The following SBF2 variants were observed in gnomAD, a reference collection of about 807,000 sequenced individuals.
SBF2 encodes SET binding factor 2.
SBF2 carries 112 observed loss-of-function variants against 225.2 expected under a neutral mutation model. The ratio of observed to expected loss-of-function variants is 0.50; its 90% confidence interval spans 0.43 to 0.58. The LOEUF (loss-of-function observed/expected upper bound fraction) is 0.58. Ranked by LOEUF, SBF2 falls within the 20% of genes least tolerant of loss-of-function variation. SBF2 has a pLI of 0.00. For synonymous variants in SBF2, 763 were observed against 773.3 expected (o/e 0.99, Z 0.22); for missense variants, 1,996 against 2,206.2 (o/e 0.90, Z 1.91).
At chr11:9,949,045 G>T (rs776461872) in intron 16 of SBF2, among the ~76,000 whole-genome samples, 12 of 151,978 alleles carry the variant, frequency 7.9e-5, no homozygotes, top group Non-Finnish European at 1.5e-4. Flanking sequence ...ATGGTGCCTG[G>T]ACAAGGAAAG....
At chr11:10,030,958 A>G (rs1400943077) in intron 4 of SBF2, 90 bp downstream of exon 4, 43 of 1,130,940 alleles carry the variant, frequency 3.8e-5, no homozygotes, top group Non-Finnish European at 5.2e-5. Context: ...CAATCTAACA[A>G]TATTTTCAAT....
At chr11:9,974,173 C>G (rs1301433537) in intron 13 of SBF2, among the ~76,000 whole-genome samples, 1 of 152,134 alleles carries the variant, frequency 6.6e-6, no homozygotes, top group Non-Finnish European at 1.5e-5. Context: ...ATGACTGAGA[C>G]ATTCAACTGA....
chr11:10,095,002 CATAAAATAT>C (rs1300798176), intron 2 of SBF2, among the ~76,000 whole-genome samples: 1 of 151,776 alleles, frequency 6.6e-6, no homozygotes, highest in African/African-American at 2.4e-5. Flanking sequence ...CCATCGAAGC[CATAAAATAT>C]ATAAAATATA....
rs780087203 is a variant in SBF2, at chr11:9,839,658, T to G, written c.3295A>C (p.Lys1099Gln). ...TCCATTGTAGACTTCTCGGAGGCCT[T>G]CAGGGTGGTACTTGTGGGGAGCTCA... ...ESELPTSTTL[K>Q]ASEKSTMEQL... The change falls in exon 26 of 40, where the codon AAG becomes CAG. Residue 1099 changes from lysine (K) to glutamine (Q), a missense_variant. Lys to Gln is a moderately conservative substitution (Grantham distance 53). Coordinates refer to ENST00000256190, the MANE Select transcript of SBF2 (RefSeq NM_030962.4). The G allele has an allele frequency of 1.9e-6, 3 of 1,614,204 alleles. No individual in the cohort carries two copies. Among genetic ancestry groups the G allele is most frequent in the Middle Eastern group, 1.6e-4 (1 of 6,062 alleles).
At chr11:10,240,202 T>G (rs968689448) in intron 1 of SBF2, among the ~76,000 whole-genome samples, 5 of 149,752 alleles carry the variant, frequency 3.3e-5, no homozygotes, top group African/African-American at 9.9e-5. Context: ...ATAATTTTAA[T>G]GAAGTGCAGG....
intron 3 of SBF2, among the ~76,000 whole-genome samples, chr11:10,040,199 T>C (rs1472766631): frequency 6.6e-6 from 1 of 151,910 alleles, no homozygotes; most frequent in African/African-American, 2.4e-5. Context: ...ATTGCAAACA[T>C]AAAAATCGCC....
At position 10,062,225 on chromosome 11, in the gene SBF2, A is replaced by T. The variant is rs550762994; in HGVS notation, c.142-19244T>A. ...TAAAGACTTAAATGTAAAACCCAAA[A>T]CTATAAATACCCTGGAAGACAACCT... On this transcript the variant is annotated intron_variant, in intron 2 of 39. Transcript: ENST00000256190. Among the ~76,000 whole-genome samples, 4 of 152,330 alleles carry T rather than the reference A, an allele frequency of 2.6e-5. No individual in the cohort carries two copies. The South Asian group carries it at 8.3e-4, about 32-fold the overall frequency.
chr11:9,950,712 A>G (rs1054841521), intron 16 of SBF2, among the ~76,000 whole-genome samples: 1 of 152,212 alleles, frequency 6.6e-6, no homozygotes, highest in Non-Finnish European at 1.5e-5. Flanking sequence ...CTGTGCACAA[A>G]GACATAAAGG....
At chr11:9,812,779 C>A in intron 29 of SBF2, 71 bp from the exon 30 acceptor site, 1 of 1,508,806 alleles carries the variant, frequency 6.6e-7, no homozygotes, top group Non-Finnish European at 9.1e-7. Context: ...TCCAATGGGG[C>A]AGTGCATAAT....
chr11:10,067,059 C>T (rs1950652461), intron 2 of SBF2, among the ~76,000 whole-genome samples: 1 of 152,056 alleles, frequency 6.6e-6, no homozygotes. Context: ...GGGAAGACTG[C>T]TTGAGGCCAG....
intron 11 of SBF2, 30 bp downstream of exon 11, chr11:9,992,960 G>T (rs1947506236): frequency 1.4e-6 from 2 of 1,429,048 alleles, no homozygotes; most frequent in Non-Finnish European, 9.8e-7. Context: ...TATATTTTTT[G>T]GACAGATACA....
chr11:9,829,307 T>A, intron 28 of SBF2, 49 bp downstream of exon 28: 4 of 1,587,094 alleles, frequency 2.5e-6, no homozygotes. Flanking sequence ...GGAACAGAAC[T>A]GACCTTTCAT....
intron 1 of SBF2, among the ~76,000 whole-genome samples, chr11:10,216,904 T>C (rs905823083): frequency 1.3e-5 from 2 of 151,876 alleles, no homozygotes; most frequent in Non-Finnish European, 2.9e-5. Flanking sequence ...TAGAAAGGGA[T>C]AAAAAGTGGA....
intron 2 of SBF2, among the ~76,000 whole-genome samples, chr11:10,172,215 G>T (rs555902324): frequency 3.9e-5 from 6 of 152,054 alleles, no homozygotes; most frequent in Admixed American, 2.6e-4. Flanking sequence ...TCTTTAAGAT[G>T]CATCATTAGG....
intron 2 of SBF2, among the ~76,000 whole-genome samples, chr11:10,086,873 C>T (rs781604619): frequency 6.6e-5 from 10 of 152,150 alleles, no homozygotes; most frequent in Non-Finnish European, 1.3e-4. Context: ...CCAATGTGGA[C>T]TGTGGTAAAC....
intron 2 of SBF2, among the ~76,000 whole-genome samples, chr11:10,181,614 C>T (rs575351015): frequency 1.3e-5 from 2 of 152,124 alleles, no homozygotes; most frequent in East Asian, 3.9e-4. Flanking sequence ...TTTTAGCTTT[C>T]ATTACATTTC....
At chr11:10,138,024 A>C (rs998283501) in intron 2 of SBF2, among the ~76,000 whole-genome samples, 6 of 151,976 alleles carry the variant, frequency 3.9e-5, no homozygotes. Context: ...TAAATAAATA[A>C]ATAAATTTCT....
At chr11:9,849,007 T>C (rs1856739854) in intron 22 of SBF2, among the ~76,000 whole-genome samples, 2 of 152,326 alleles carry the variant, frequency 1.3e-5, no homozygotes, top group South Asian at 4.1e-4. Flanking sequence ...ACTCATCAAA[T>C]GCTACTGCAT....
In SBF2 at chr11:10,285,465, T is replaced by C. The variant is rs1194558242; in HGVS notation, c.55+8550A>G. Among the ~76,000 whole-genome samples, 13 of 152,140 alleles carry C rather than the reference T, an allele frequency of 8.5e-5. 1 individual carries two copies. Among genetic ancestry groups the C allele is most frequent in the Middle Eastern group, 3.4e-3 (1 of 294 alleles). ...GGTGGCAGGGAACCTAAGGACTTCCTAGAACTAAATCAAACAGAAAAACCC... is the reference window on the plus strand; with the variant it reads ...GGTGGCAGGGAACCTAAGGACTTCCCAGAACTAAATCAAACAGAAAAACCC... On this transcript the variant is annotated intron_variant, in intron 1 of 39. Coordinates refer to ENST00000256190, the MANE Select transcript of SBF2 (RefSeq NM_030962.4).
Sources: allele counts gnomAD v4.1 joint callset (sites outside exome capture counted in the v4.1 genomes callset), GRCh38; gene constraint gnomAD v4.1.1; transcripts MANE v1.5; gene names NCBI Gene and HGNC (gene_info 2026-07-23, HGNC 2026-07-21).